METTL24: variants seen among roughly 807,000 people sequenced by gnomAD.
The protein encoded by METTL24 is methyltransferase like 24.
Under a neutral mutation model 32.7 loss-of-function variants are expected in METTL24, and 29 were observed. The ratio of observed to expected loss-of-function variants is 0.89; its 90% CI spans 0.66 to 1.21. The LOEUF is 1.21. Ranked by LOEUF, METTL24 falls within the 50% of genes most tolerant of loss-of-function variation. The pLI is 0.00. For synonymous variants in METTL24, 163 were observed against 179.5 expected, an observed-to-expected ratio of 0.91 and a Z score of 0.73; for missense variants, 439 against 468.1, an observed-to-expected ratio of 0.94 and a Z score of 0.57.
At chr6:110,350,714 C>T (rs1772579490) in intron 1 of METTL24, among the ~76,000 whole-genome samples, 1 of 148,470 alleles carries the variant, frequency 6.7e-6, no homozygotes, top group South Asian at 2.1e-4. Flanking sequence ...TCACTTGAGC[C>T]CAGCAGTTCA....
At chr6:110,282,210 T>G (rs1209642403) in intron 4 of METTL24, among the ~76,000 whole-genome samples, 1 of 152,258 alleles carries the variant, frequency 6.6e-6, no homozygotes, top group South Asian at 2.1e-4. Context: ...AAATTGGCGC[T>G]CTTTAACACT....
Position 110,299,154 on chromosome 6 carries a change from T to A in METTL24, c.558-4A>T. 6.2e-7 allele frequency: 1 copy of A among 1,612,014 alleles called. No homozygotes were observed. Among genetic ancestry groups the A allele is most frequent in the South Asian group, 1.1e-5 (1 of 91,042 alleles). ...ATGGGTATCATCACTTCCTAGCCTA[T>A]AAAGAAAGAGGACGGAAATCAACAA... is the stretch of plus-strand genomic sequence containing the variant. On this transcript the variant is annotated splice_polypyrimidine_tract_variant and splice_region_variant and intron_variant, in intron 3 of 4. Coordinates refer to ENST00000338882, the MANE Select transcript of METTL24 (RefSeq NM_001123364.3).
chr6:110,267,842 A>T (rs550286944), intron 4 of METTL24, among the ~76,000 whole-genome samples: 2 of 152,314 alleles, frequency 1.3e-5, no homozygotes, highest in African/African-American at 4.8e-5. Flanking sequence ...GGGAACAGGC[A>T]TGTCAAATGG....
intron 2 of METTL24, among the ~76,000 whole-genome samples, chr6:110,316,998 G>A (rs187900981): frequency 5.7e-4 from 87 of 152,282 alleles, no homozygotes; most frequent in African/African-American, 2.0e-3. Context: ...AGCATATTAC[G>A]TGGAGCCTAT....
intron 1 of METTL24, among the ~76,000 whole-genome samples, chr6:110,357,121 G>C (rs552711059): frequency 2.0e-5 from 3 of 152,340 alleles, no homozygotes; most frequent in African/African-American, 7.2e-5. Context: ...GCTGGAAGCA[G>C]GAGTTGATGG....
Position 110,294,503 on chromosome 6 carries a change from A to C in METTL24, c.786+4419T>G, listed in dbSNP as rs537997965. On this transcript the variant is annotated intron_variant, in intron 4 of 4. Transcript: ENST00000338882. ...AAAAGAGGGGGGAATACTGCAGAAA[A>C]CCAAAGGCCAAATTTAAGAGAGTAG... 1.4e-4 allele frequency among the ~76,000 whole-genome samples: 22 copies of C among 152,112 alleles called. No individual in the cohort carries two copies. In the South Asian group the frequency reaches 4.4e-3, roughly 30 times the overall value.
chr6:110,325,889 G>A (rs79829858), intron 1 of METTL24, among the ~76,000 whole-genome samples: 4,399 of 152,248 alleles, frequency 0.029, 248 homozygotes, highest in African/African-American at 0.1. Context: ...CAGGGGCTCT[G>A]GCCCGTTGTG....
chr6:110,253,494 G>C (rs1562216085), intron 4 of METTL24, among the ~76,000 whole-genome samples: 1 of 152,136 alleles, frequency 6.6e-6, no homozygotes, highest in Non-Finnish European at 1.5e-5. Flanking sequence ...AAAGTTACTT[G>C]TATTGTGTCA....
chr6:110,265,874 C>T (rs1300022855), intron 4 of METTL24, among the ~76,000 whole-genome samples: 31 of 116,782 alleles, frequency 2.7e-4, no homozygotes, highest in East Asian at 4.6e-4. Context: ...TCCTCCTCCT[C>T]CTTCTTCCTC....
chr6:110,269,971 C>T (rs571086383), intron 4 of METTL24, among the ~76,000 whole-genome samples: 197 of 152,222 alleles, frequency 1.3e-3, no homozygotes, highest in African/African-American at 4.2e-3. Flanking sequence ...AGTAGGATGG[C>T]TGTCTAATAG....
intron 4 of METTL24, among the ~76,000 whole-genome samples, chr6:110,246,497 T>C (rs1778164725): frequency 6.6e-6 from 1 of 152,202 alleles, no homozygotes; most frequent in African/African-American, 2.4e-5. Flanking sequence ...TTGCCTAGGC[T>C]GGTATAAAAC....
At chr6:110,281,591 G>C (rs1459843610) in intron 4 of METTL24, among the ~76,000 whole-genome samples, 1 of 151,652 alleles carries the variant, frequency 6.6e-6, no homozygotes, top group Non-Finnish European at 1.5e-5. Flanking sequence ...AGAGGTTGCA[G>C]TGAGCCTAGA....
chr6:110,343,288 A>AC (rs1772398715), intron 1 of METTL24, among the ~76,000 whole-genome samples: 1 of 152,244 alleles, frequency 6.6e-6, no homozygotes, highest in Non-Finnish European at 1.5e-5. Context: ...TTTCCCCTGT[A>AC]CCATAACACA....
At chr6:110,305,275 T>G (rs1474564597) in intron 3 of METTL24, among the ~76,000 whole-genome samples, 2 of 152,094 alleles carry the variant, frequency 1.3e-5, no homozygotes, top group African/African-American at 4.8e-5. Context: ...GGGCAAAGCC[T>G]TCATGACTAA....
chr6:110,309,419 A>T (rs1202131198), intron 3 of METTL24, among the ~76,000 whole-genome samples: 1 of 152,234 alleles, frequency 6.6e-6, no homozygotes, highest in Non-Finnish European at 1.5e-5. Flanking sequence ...AAATAAACTT[A>T]CACGCAATGC....
chr6:110,348,664 T>C (rs946440628), intron 1 of METTL24, among the ~76,000 whole-genome samples: 1 of 152,258 alleles, frequency 6.6e-6, no homozygotes, highest in African/African-American at 2.4e-5. Context: ...TCTGAAAACA[T>C]GTTTGGAGGT....
At chr6:110,336,764 A>G (rs1194356195) in intron 1 of METTL24, among the ~76,000 whole-genome samples, 3 of 149,114 alleles carry the variant, frequency 2.0e-5, no homozygotes, top group Non-Finnish European at 3.0e-5. Context: ...AAACAAAAAG[A>G]TGGTTATCAT....
At position 110,245,529 on chromosome 6, in the gene METTL24, AG is replaced by A. The variant is rs1778138663; in HGVS notation, c.*416del. 6.6e-6 allele frequency among the ~76,000 whole-genome samples: 1 copy of A among 152,238 alleles called. No homozygotes were observed. Among genetic ancestry groups the A allele is most frequent in the African/African-American group, 2.4e-5 (1 of 41,462 alleles). ...AGGTAAATAAGAAAAACCTTGAAAA[AG>A]GAGGGTCAAATTCAAATTTAAAACC... On this transcript the variant is annotated 3_prime_UTR_variant, in exon 5 of 5. Transcript: ENST00000338882.
At chr6:110,345,346 A>G (rs1289770368) in intron 1 of METTL24, among the ~76,000 whole-genome samples, 1 of 152,230 alleles carries the variant, frequency 6.6e-6, no homozygotes, top group East Asian at 1.9e-4. Flanking sequence ...AATGAGTTCA[A>G]CCATTGTGAA....
Sources: gnomAD v4.1 joint callset for allele counts (sites outside exome capture counted in the v4.1 genomes callset) on GRCh38, gnomAD v4.1.1 for gene constraint, MANE v1.5 for transcripts, NCBI Gene and HGNC (gene_info 2026-07-23, HGNC 2026-07-21) for gene names.